The following BCL9 variants were observed in gnomAD, a reference collection of about 807,000 sequenced individuals.
The protein encoded by BCL9 is B-cell CLL/lymphoma 9 protein.
BCL9 carries 25 observed loss-of-function variants against 88.5 expected under a neutral mutation model. That is an observed-to-expected ratio of 0.28 (90% CI 0.21 to 0.39). BCL9 has a LOEUF of 0.39. BCL9 is among the 10% of genes least tolerant of loss of function. The probability of loss-of-function intolerance (pLI) is 1.00; values close to 1 mark genes in which losing one functional copy is unlikely to be tolerated. For synonymous variants in BCL9, 711 were observed against 673.3 expected, an observed-to-expected ratio of 1.06 and a Z score of -0.87; for missense variants, 1,817 against 1,877.8, an observed-to-expected ratio of 0.97 and a Z score of 0.60.
At chr1:147,549,217 T>C (rs1051508083) in intron 1 of BCL9, among the ~76,000 whole-genome samples, 1 of 152,084 alleles carries the variant, frequency 6.6e-6, no homozygotes, top group African/African-American at 2.4e-5. Context: ...CCTCAAGCGA[T>C]CCACCCACCT....
At chr1:147,604,039 G>A (rs1304613414) in intron 1 of BCL9, among the ~76,000 whole-genome samples, 1 of 152,166 alleles carries the variant, frequency 6.6e-6, no homozygotes, top group African/African-American at 2.4e-5. Context: ...TTGAAGTAGT[G>A]TATATATTAT....
At chr1:147,596,174 GA>G (rs1242040738) in intron 1 of BCL9, among the ~76,000 whole-genome samples, 1 of 152,200 alleles carries the variant, frequency 6.6e-6, no homozygotes. Context: ...AGGAGGAAAG[GA>G]GGTGGGAAAA....
At chr1:147,559,614 T>G (rs1194469206) in intron 1 of BCL9, among the ~76,000 whole-genome samples, 2 of 152,212 alleles carry the variant, frequency 1.3e-5, no homozygotes, top group Admixed American at 6.5e-5. Context: ...TGGATTACCT[T>G]GATGAAATGC....
At position 147,584,869 on chromosome 1, in the gene BCL9, G is replaced by A. The variant is rs927666253; in HGVS notation, c.-477-19908G>A. Among the ~76,000 whole-genome samples the A allele has an allele frequency of 3.3e-5, 5 of 152,194 alleles. No individual in the cohort carries two copies. The East Asian group carries it at 7.7e-4, about 23-fold the overall frequency. ...CTTGCACATAGGTGAACCATGAACCGTGGTTCTCATTCATAACCACTCCAG... is the reference window on the plus strand; with the variant it reads ...CTTGCACATAGGTGAACCATGAACCATGGTTCTCATTCATAACCACTCCAG... On this transcript the variant is annotated intron_variant, in intron 1 of 9. Coordinates refer to ENST00000234739, the MANE Select transcript of BCL9 (RefSeq NM_004326.4).
chr1:147,584,172 C>T (rs1656495282), intron 1 of BCL9, among the ~76,000 whole-genome samples: 1 of 151,886 alleles, frequency 6.6e-6, no homozygotes. Context: ...CTCAGCCTCC[C>T]AAGTAGCTGG....
intron 3 of BCL9, among the ~76,000 whole-genome samples, chr1:147,607,441 G>A (rs1657775442): frequency 6.6e-6 from 1 of 152,184 alleles, no homozygotes; most frequent in South Asian, 2.1e-4. Flanking sequence ...TACCTTCATG[G>A]AGCTTATGGT....
intron 1 of BCL9, among the ~76,000 whole-genome samples, chr1:147,585,423 T>A (rs1315350878): frequency 6.6e-6 from 1 of 152,028 alleles, no homozygotes; most frequent in Non-Finnish European, 1.5e-5. Flanking sequence ...TTGTGGGGAT[T>A]GCCTGTAGTA....
intron 6 of BCL9, among the ~76,000 whole-genome samples, chr1:147,615,388 T>C (rs1404103638): frequency 1.3e-5 from 2 of 152,208 alleles, no homozygotes; most frequent in African/African-American, 2.4e-5. Context: ...CCTACATATA[T>C]GGTTTTCTGA....
chr1:147,603,891 T>G (rs1403368829), intron 1 of BCL9, among the ~76,000 whole-genome samples: 1 of 152,192 alleles, frequency 6.6e-6, no homozygotes, highest in Non-Finnish European at 1.5e-5. Context: ...TGAGAACGTT[T>G]TTTAAATGCA....
chr1:147,626,087 T>G lies in BCL9; in HGVS notation c.*1128T>G, dbSNP rs1658937600. 4.5e-6 allele frequency: 1 copy of G among 220,634 alleles called. No individual in the cohort carries two copies. Among genetic ancestry groups the G allele is most frequent in the Admixed American group, 5.8e-5 (1 of 17,282 alleles). 13.7% of individuals were successfully genotyped at this position (220,634 alleles called of 1,614,324 possible). A position where few individuals can be genotyped will look rare whatever the true frequency, so the allele number is the denominator to read the frequency against. On this transcript the variant is annotated 3_prime_UTR_variant, in exon 10 of 10. Coordinates refer to ENST00000234739, the MANE Select transcript of BCL9 (RefSeq NM_004326.4). ...GATTTTGTTTCTGTTTGTTTTAAAT[T>G]TTGTGGTTCCTTCCCTTTCCTCCCC...
At chr1:147,617,993 G>T (rs1189715181) in intron 7 of BCL9, among the ~76,000 whole-genome samples, 1 of 152,174 alleles carries the variant, frequency 6.6e-6, no homozygotes, top group Non-Finnish European at 1.5e-5. Flanking sequence ...CCTGGACTTA[G>T]TATAGCAGTG....
intron 3 of BCL9, among the ~76,000 whole-genome samples, chr1:147,609,708 T>C (rs142852326): frequency 1.3e-5 from 2 of 152,350 alleles, no homozygotes; most frequent in African/African-American, 2.4e-5. Flanking sequence ...ATTTGATAAT[T>C]GTAATGTTTT....
chr1:147,621,636 G>T (rs1325956304), intron 8 of BCL9, among the ~76,000 whole-genome samples: 6 of 152,212 alleles, frequency 3.9e-5, no homozygotes, highest in African/African-American at 1.4e-4. Flanking sequence ...GAGGTGGTCA[G>T]TGGAAGTAGT....
intron 2 of BCL9, 44 bp from the exon 3 acceptor site, chr1:147,606,740 T>C (rs1657729954): frequency 6.6e-6 from 1 of 152,500 alleles, no homozygotes; most frequent in African/African-American, 2.4e-5. Flanking sequence ...ATGTTGTTGA[T>C]TTTTTTAAAA....
intron 3 of BCL9, among the ~76,000 whole-genome samples, chr1:147,607,104 T>TG (rs1657750497): frequency 6.6e-6 from 1 of 152,230 alleles, no homozygotes; most frequent in Non-Finnish European, 1.5e-5. Context: ...TTTCTGTGCC[T>TG]GGCTCATTTC....
At chr1:147,551,144 C>T (rs911995395) in intron 1 of BCL9, among the ~76,000 whole-genome samples, 3 of 152,216 alleles carry the variant, frequency 2.0e-5, no homozygotes, top group Admixed American at 6.5e-5. Flanking sequence ...CTCTTCCAGG[C>T]ATTGTCTCAT....
At chr1:147,588,996 G>C (rs1050893963) in intron 1 of BCL9, among the ~76,000 whole-genome samples, 1 of 152,086 alleles carries the variant, frequency 6.6e-6, no homozygotes, top group Non-Finnish European at 1.5e-5. Context: ...TTATACCTCT[G>C]CTCTCAGTGG....
chr1:147,564,511 G>A (rs1553196450), intron 1 of BCL9, among the ~76,000 whole-genome samples: 2 of 152,130 alleles, frequency 1.3e-5, no homozygotes, highest in African/African-American at 4.8e-5. Flanking sequence ...TATGTTTGAA[G>A]TCTGAGACCT....
chr1:147,564,474 A>C (rs1362412588), intron 1 of BCL9, among the ~76,000 whole-genome samples: 3 of 152,116 alleles, frequency 2.0e-5, no homozygotes, highest in Non-Finnish European at 2.9e-5. Context: ...TAAAGTCTGA[A>C]GTGATTGGTT....
Sources: allele counts gnomAD v4.1 joint callset (sites outside exome capture counted in the v4.1 genomes callset), GRCh38; gene constraint gnomAD v4.1.1; transcripts MANE v1.5; gene names NCBI Gene and HGNC (gene_info 2026-07-23, HGNC 2026-07-21).